ZNF43: variants seen among roughly 807,000 people sequenced by gnomAD.
ZNF43 encodes zinc finger protein 43.
A neutral mutation model predicts 68.4 loss-of-function variants in ZNF43; 44 were observed. The observed-to-expected ratio is 0.64, with a 90% CI of 0.51 to 0.83. The LOEUF (loss-of-function observed/expected upper bound fraction) is 0.83, where lower values mean the gene tolerates loss of function less well. ZNF43 is among the 40% of genes least tolerant of loss of function. ZNF43 has a pLI of 0.00. For missense variants in ZNF43, 896 were observed against 933.2 expected, an observed-to-expected ratio of 0.96 and a Z score of 0.52; for synonymous variants, 308 against 307.8, an observed-to-expected ratio of 1.00 and a Z score of -0.01.
At chr19:21,822,123 T>C (rs367822640) in intron 1 of ZNF43, among the ~76,000 whole-genome samples, 196 of 84,834 alleles carry the variant, frequency 2.3e-3, no homozygotes, top group African/African-American at 8.2e-3. Context: ...TCAGCAAGAA[T>C]GAACTGCTCC....
intron 1 of ZNF43, among the ~76,000 whole-genome samples, chr19:21,822,323 G>T (rs1187822979): frequency 1.2e-5 from 1 of 82,948 alleles, no homozygotes; most frequent in East Asian, 3.4e-4. Context: ...TATGTATCTT[G>T]AACCTTTTAT....
At chr19:21,833,734 G>T (rs2038541609) in intron 1 of ZNF43, among the ~76,000 whole-genome samples, 1 of 151,576 alleles carries the variant, frequency 6.6e-6, no homozygotes, top group Non-Finnish European at 1.5e-5. Context: ...AAAACATTCT[G>T]AAAAAGTCTC....
intron 2 of ZNF43, 137 bp downstream of exon 2, chr19:21,818,958 A>G: frequency 7.7e-7 from 1 of 1,291,818 alleles, no homozygotes; most frequent in Non-Finnish European, 1.0e-6. Context: ...TAGTGCGCCA[A>G]CAAATCCCAA....
In ZNF43 at chr19:21,820,683, A is replaced by AT. The variant is rs1158776321; in HGVS notation, c.4-1463dup. 4.7e-5 allele frequency among the ~76,000 whole-genome samples: 7 copies of AT among 149,742 alleles called. No individual in the cohort carries two copies. The East Asian group carries it at 1.2e-3, about 25-fold the overall frequency. The stretch of plus-strand genomic sequence containing the variant: ...ATTAACATAAAATGTACTAGAACAA[A>AT]TTTTAAGATGTGCTGATGCACGCAA... On this transcript the variant is annotated intron_variant, in intron 1 of 3. Transcript: ENST00000354959.
intron 1 of ZNF43, among the ~76,000 whole-genome samples, chr19:21,842,041 G>A (rs137876896): frequency 3.7e-4 from 56 of 152,094 alleles, no homozygotes; most frequent in African/African-American, 1.0e-3. Flanking sequence ...CCTAAGTGAC[G>A]TGACTCTCCT....
chr19:21,827,206 T>C (rs1391914780), intron 1 of ZNF43: 1 of 152,198 alleles, frequency 6.6e-6, no homozygotes, highest in African/African-American at 2.4e-5. Context: ...CCATGTCTGC[T>C]GCTGTCTCAT....
intron 1 of ZNF43, among the ~76,000 whole-genome samples, chr19:21,832,551 G>T (rs956556918): frequency 1.3e-5 from 2 of 152,144 alleles, no homozygotes; most frequent in African/African-American, 4.8e-5. Context: ...AAACTACAGA[G>T]CTTCTGCACA....
intron 1 of ZNF43, among the ~76,000 whole-genome samples, chr19:21,844,279 G>C (rs757880791): frequency 3.3e-5 from 5 of 149,990 alleles, no homozygotes; most frequent in Non-Finnish European, 5.9e-5. Context: ...AACCTGGGAG[G>C]TGGAGGTTGC....
intron 1 of ZNF43, among the ~76,000 whole-genome samples, chr19:21,844,431 TGA>T (rs762323374): frequency 2.0e-5 from 3 of 151,080 alleles, no homozygotes; most frequent in Non-Finnish European, 4.4e-5. Context: ...CTGTGCCACC[TGA>T]GAGCTTTTTA....
intron 1 of ZNF43, among the ~76,000 whole-genome samples, chr19:21,833,113 A>C (rs561606867): frequency 6.6e-6 from 1 of 152,298 alleles, no homozygotes; most frequent in African/African-American, 2.4e-5. Context: ...CAGCCAAATA[A>C]AATAGATTTT....
chr19:21,823,468 T>C (rs1471165846), intron 1 of ZNF43, among the ~76,000 whole-genome samples: 3 of 152,086 alleles, frequency 2.0e-5, no homozygotes. Context: ...AATTCTGTTC[T>C]GGACATTTTC....
chr19:21,851,092 G>A (rs1968320303), intron 1 of ZNF43: 1 of 152,206 alleles, frequency 6.6e-6, no homozygotes, highest in African/African-American at 2.4e-5. Context: ...TTTTGTCTGC[G>A]GACTGTGCTT....
At chr19:21,814,283 A>G (rs2037415658) in intron 3 of ZNF43, among the ~76,000 whole-genome samples, 1 of 152,196 alleles carries the variant, frequency 6.6e-6, no homozygotes, top group Admixed American at 6.5e-5. Flanking sequence ...AGAAGACAAA[A>G]CAACCATTAA....
Position 21,817,944 on chromosome 19 carries a change from T to A in ZNF43, c.173A>T (p.Gln58Leu). Residue 58 changes from glutamine to leucine, a missense_variant, in exon 3 of 4, where the codon CAA becomes CTA. Physicochemically the swap from Gln to Leu is moderately radical, Grantham distance 113. Transcript: ENST00000354959. ...SKPDLITCLE[Q>L]EKEPWEPMRR... ...CATAGGCTCCCAAGGCTCTTTTTCT[T>A]GCTCCAGACAGGTGATCAGGTCTGG... 2 of 1,613,508 alleles carry A rather than the reference T, an allele frequency of 1.2e-6. No homozygotes were observed. The highest frequency in any genetic ancestry group is 1.1e-5 in the South Asian group (1 of 91,076).
intron 3 of ZNF43, among the ~76,000 whole-genome samples, chr19:21,811,148 G>A (rs2145173808): frequency 6.6e-6 from 1 of 152,286 alleles, no homozygotes; most frequent in African/African-American, 2.4e-5. Flanking sequence ...ACAAGCTACA[G>A]TGGTGAACTA....
chr19:21,823,571 C>CTTT (rs10605024), intron 1 of ZNF43, among the ~76,000 whole-genome samples: 18 of 83,502 alleles, frequency 2.2e-4, no homozygotes, highest in Non-Finnish European at 3.2e-4. Flanking sequence ...AGAATCAGGC[C>CTTT]TTTTTTTTTT....
chr19:21,845,213 T>A (rs1466675197), intron 1 of ZNF43, among the ~76,000 whole-genome samples: 1 of 152,004 alleles, frequency 6.6e-6, no homozygotes, highest in African/African-American at 2.4e-5. Context: ...AGACACATTA[T>A]CTGGTTGCTG....
At chr19:21,813,968 T>C (rs1428778653) in intron 3 of ZNF43, among the ~76,000 whole-genome samples, 1 of 152,084 alleles carries the variant, frequency 6.6e-6, no homozygotes, top group Non-Finnish European at 1.5e-5. Context: ...CTCCATATAT[T>C]GCCCAGACTA....
intron 1 of ZNF43, among the ~76,000 whole-genome samples, chr19:21,843,508 G>A (rs1249362395): frequency 6.6e-6 from 1 of 152,114 alleles, no homozygotes; most frequent in Non-Finnish European, 1.5e-5. Context: ...TCATAGCCTT[G>A]GCCAGGCGTG....
Sources: gnomAD v4.1 joint callset for allele counts (sites outside exome capture counted in the v4.1 genomes callset) on GRCh38, gnomAD v4.1.1 for gene constraint, MANE v1.5 for transcripts, NCBI Gene and HGNC (gene_info 2026-07-23, HGNC 2026-07-21) for gene names.